The following PCCB variants were observed in gnomAD, a reference collection of about 807,000 sequenced individuals.
PCCB encodes propionyl-CoA carboxylase subunit beta.
In PCCB, 43 loss-of-function variants were observed where a neutral mutation model predicts 60.7. That is an observed-to-expected ratio of 0.71 (90% confidence interval 0.55 to 0.91). The LOEUF (loss-of-function observed/expected upper bound fraction) is 0.91. PCCB is among the 40% of genes least tolerant of loss of function. The pLI is 0.00. For missense variants in PCCB, 766 were observed against 702.8 expected, an observed-to-expected ratio of 1.09 and a Z score of -1.02; for synonymous variants, 276 against 255.9, an observed-to-expected ratio of 1.08 and a Z score of -0.75.
At chr3:136,288,786 C>T (rs181850217) in intron 6 of PCCB, among the ~76,000 whole-genome samples, 3 of 152,172 alleles carry the variant, frequency 2.0e-5, no homozygotes, top group Admixed American at 2.0e-4. Context: ...GCCAACACAC[C>T]TGGCTAATTT....
chr3:136,299,033 C>T (rs1056339741), intron 8 of PCCB, among the ~76,000 whole-genome samples: 6 of 152,060 alleles, frequency 3.9e-5, no homozygotes, highest in African/African-American at 1.2e-4. Flanking sequence ...GTCACAAGGT[C>T]CAGAGCTGTG....
At chr3:136,296,277 T>G (rs1407753352) in intron 7 of PCCB, among the ~76,000 whole-genome samples, 1 of 152,324 alleles carries the variant, frequency 6.6e-6, no homozygotes, top group South Asian at 2.1e-4. Context: ...CCACAGATAC[T>G]TCTGCTCTAG....
rs115786801 is a variant in PCCB, at chr3:136,280,814, G to C, written c.544-3023G>C. Among the ~76,000 whole-genome samples the C allele has an allele frequency of 5.3e-3, 813 of 152,088 alleles. 7 individuals carry two copies. Among genetic ancestry groups the C allele is most frequent in the African/African-American group, 0.019 (779 of 41,488 alleles). On this transcript the variant is annotated intron_variant, in intron 5 of 14. Coordinates refer to ENST00000251654, the MANE Select transcript of PCCB (RefSeq NM_000532.5). The stretch of plus-strand genomic sequence containing the variant: ...TAGCTAGTAGAACACCACTATGCCC[G>C]ACCAACCAAAAAAACTTTCTGTAGA...
At chr3:136,309,011 C>G (rs1253679535) in intron 9 of PCCB, among the ~76,000 whole-genome samples, 1 of 151,890 alleles carries the variant, frequency 6.6e-6, no homozygotes, top group Non-Finnish European at 1.5e-5. Context: ...ACATGTAATC[C>G]CAGCACTTTG....
At chr3:136,300,026 C>CCACACATGCATATATGCATGCCCA (rs1269280187) in intron 8 of PCCB, among the ~76,000 whole-genome samples, 2 of 151,646 alleles carry the variant, frequency 1.3e-5, no homozygotes, top group African/African-American at 2.4e-5. Flanking sequence ...GTGTACACGC[C>CCACACATGCATATATGCATGCCCA]CACACATGCA....
rs543233574 is a variant in PCCB, at chr3:136,270,121, AATC to A, written c.543+8059_543+8061del. The stretch of plus-strand genomic sequence containing the variant: ...ATGCTTTTTTCTGCATCTGTGAGAT[AATC>A]ATGTGTTTTTTGTTCTTTATTCTAA... On this transcript the variant is annotated intron_variant, in intron 5 of 14. Transcript: ENST00000251654. 1.0e-3 allele frequency among the ~76,000 whole-genome samples: 153 copies of A among 151,804 alleles called. 1 individual carries two copies. Among genetic ancestry groups the A allele is most frequent in the African/African-American group, 3.6e-3 (150 of 41,386 alleles).
intron 9 of PCCB, among the ~76,000 whole-genome samples, chr3:136,313,008 A>G (rs1196318122): frequency 1.3e-5 from 2 of 152,240 alleles, no homozygotes; most frequent in Non-Finnish European, 2.9e-5. Context: ...AACTTCATAC[A>G]TAATGCTAGA....
intron 9 of PCCB, among the ~76,000 whole-genome samples, chr3:136,313,404 G>C (rs1289897983): frequency 7.2e-5 from 11 of 152,168 alleles, no homozygotes; most frequent in Non-Finnish European, 1.5e-5. Flanking sequence ...AAGTGAAAAA[G>C]AATGATGATC....
chr3:136,301,534 G>A (rs1340216589), intron 9 of PCCB, among the ~76,000 whole-genome samples: 2 of 152,260 alleles, frequency 1.3e-5, no homozygotes, highest in East Asian at 1.9e-4. Context: ...GACTGTGTGT[G>A]TGGAGGTCCG....
intron 10 of PCCB, among the ~76,000 whole-genome samples, chr3:136,324,550 T>C (rs56264828): frequency 0.17 from 26,196 of 152,162 alleles, 3,789 homozygotes; most frequent in African/African-American, 0.4. Flanking sequence ...GAATTCTCCC[T>C]ATTCACGGGT....
intron 5 of PCCB, among the ~76,000 whole-genome samples, chr3:136,273,578 CTTTTTTTTTTTCTTTTTTCTTTTTTTTT>C (rs1942256363): frequency 1.7e-5 from 1 of 59,204 alleles, no homozygotes; most frequent in Non-Finnish European, 3.8e-5. Context: ...CTTTTTCTTT[CTTTTTTTTTTTCTTTTTTCTTTTTTTTT>C]TTTTTTTTTT....
At chr3:136,261,659 T>G (rs1284021779) in intron 4 of PCCB, among the ~76,000 whole-genome samples, 3 of 152,232 alleles carry the variant, frequency 2.0e-5, no homozygotes, top group Non-Finnish European at 4.4e-5. Flanking sequence ...TGGAAGACGT[T>G]ACAACGTGAG....
chr3:136,281,302 C>T (rs955360649), intron 5 of PCCB, among the ~76,000 whole-genome samples: 1 of 151,822 alleles, frequency 6.6e-6, no homozygotes, highest in Admixed American at 6.6e-5. Context: ...CTATTAATTT[C>T]TCCTTTTCTT....
At chr3:136,266,419 G>A (rs1487525122) in intron 5 of PCCB, among the ~76,000 whole-genome samples, 2 of 152,102 alleles carry the variant, frequency 1.3e-5, no homozygotes, top group South Asian at 2.1e-4. Flanking sequence ...GTGAGCCACC[G>A]CACCCAGCCA....
In PCCB at chr3:136,302,525, C is replaced by T. The variant is rs1934328675; in HGVS notation, c.966+1414C>T. Reference sequence around the variant, plus strand: ...ACTCTTGTTTGTAATTTTTTTCTGTCATTTATTTAGGGTTTTATTTTATTT... The same window carrying T: ...ACTCTTGTTTGTAATTTTTTTCTGTTATTTATTTAGGGTTTTATTTTATTT... On this transcript the variant is annotated intron_variant, in intron 9 of 14. Transcript: ENST00000251654. Among the ~76,000 whole-genome samples, 3 of 119,670 alleles carry T rather than the reference C, an allele frequency of 2.5e-5. 1 individual carries two copies. The highest frequency in any genetic ancestry group is 5.6e-5 in the Non-Finnish European group (3 of 53,870). 78.5% of individuals were successfully genotyped at this position (119,670 alleles called of 152,430 possible).
chr3:136,268,894 C>G (rs144498439), intron 5 of PCCB, among the ~76,000 whole-genome samples: 206 of 152,278 alleles, frequency 1.4e-3, no homozygotes, highest in South Asian at 9.3e-3. Flanking sequence ...TGGAATGTTT[C>G]TCTGTTTATG....
rs1247889171 is a variant in PCCB, at chr3:136,299,597, T to C, written c.885-1433T>C. On this transcript the variant is annotated intron_variant, in intron 8 of 14. Coordinates refer to ENST00000251654, the MANE Select transcript of PCCB (RefSeq NM_000532.5). Reference sequence around the variant, plus strand: ...ATGTGTATGTATAGGTATGCATGTGTATGTATGTATATGCATGTGTATGTA... The same window carrying C: ...ATGTGTATGTATAGGTATGCATGTGCATGTATGTATATGCATGTGTATGTA... Among the ~76,000 whole-genome samples, 8 of 102,132 alleles carry C rather than the reference T, an allele frequency of 7.8e-5. 2 individuals carry two copies. The highest frequency in any genetic ancestry group is 3.0e-4 in the African/African-American group (6 of 20,152). The allele number at this position is 102,132 out of a possible 152,430, so 67.0% of individuals were successfully genotyped here.
At chr3:136,255,591 C>T (rs886543647) in intron 1 of PCCB, 6 of 492,714 alleles carry the variant, frequency 1.2e-5, no homozygotes, top group Non-Finnish European at 1.9e-5. Flanking sequence ...CTTATCCCCA[C>T]TTCTCTCTAC....
chr3:136,283,737 G>A lies in PCCB; in HGVS notation c.544-100G>A, dbSNP rs986191586. ...TGCCTCCTGTATAGAATTTCTGTGGGAAAAAAGCCAAATGTTATCTTATTG... is the reference window on the plus strand; with the variant it reads ...TGCCTCCTGTATAGAATTTCTGTGGAAAAAAAGCCAAATGTTATCTTATTG... On this transcript the variant is annotated intron_variant, in intron 5 of 14. Coordinates refer to ENST00000251654, the MANE Select transcript of PCCB (RefSeq NM_000532.5). 3.5e-6 allele frequency: 3 copies of A among 863,160 alleles called. No homozygotes were observed. The African/African-American group carries it at 5.0e-5, about 14-fold the overall frequency. 53.5% of individuals were successfully genotyped at this position (863,160 alleles called of 1,614,324 possible). A position where few individuals can be genotyped will look rare whatever the true frequency, so the allele number is the denominator to read the frequency against.
Sources: gnomAD v4.1 joint callset for allele counts (sites outside exome capture counted in the v4.1 genomes callset) on GRCh38, gnomAD v4.1.1 for gene constraint, MANE v1.5 for transcripts, NCBI Gene and HGNC (gene_info 2026-07-23, HGNC 2026-07-21) for gene names.